Variants in ROBO1 observed in about 807,000 individuals in gnomAD.
ROBO1 encodes the protein roundabout homolog 1.
Under a neutral mutation model 195.9 loss-of-function variants are expected in ROBO1, and 149 were observed. The ratio of observed to expected loss-of-function variants is 0.76; its 90% CI spans 0.67 to 0.87. ROBO1 has a LOEUF of 0.87. ROBO1 is among the 40% of genes least tolerant of loss of function. The pLI, the probability that ROBO1 is intolerant of heterozygous loss-of-function variation, is 0.00. For missense variants in ROBO1, 1,933 were observed against 2,068.3 expected (o/e 0.93, Z 1.27); for synonymous variants, 816 against 733.2 (o/e 1.11, Z -1.82).
chr3:79,565,023 C>T (rs1943047006), intron 2 of ROBO1, among the ~76,000 whole-genome samples: 1 of 152,036 alleles, frequency 6.6e-6, no homozygotes, highest in Admixed American at 6.6e-5. Context: ...TTGCTAAAAA[C>T]AACTATCATG....
At chr3:78,863,822 C>G (rs927172363) in intron 4 of ROBO1, among the ~76,000 whole-genome samples, 2 of 152,136 alleles carry the variant, frequency 1.3e-5, no homozygotes, top group African/African-American at 4.8e-5. Flanking sequence ...ATGGGAGAGT[C>G]CCTCCACCGT....
chr3:79,445,731 G>A (rs1454954992), intron 2 of ROBO1, among the ~76,000 whole-genome samples: 1 of 148,950 alleles, frequency 6.7e-6, no homozygotes, highest in Non-Finnish European at 1.5e-5. Flanking sequence ...GCGCGATATC[G>A]GCTCACTGCA....
At chr3:78,700,236 T>G (rs1037318097) in intron 8 of ROBO1, among the ~76,000 whole-genome samples, 15 of 152,232 alleles carry the variant, frequency 9.9e-5, no homozygotes, top group African/African-American at 3.6e-4. Flanking sequence ...CTGCTGATAC[T>G]ATAGATATTT....
chr3:79,231,059 A>T (rs1421430493), intron 2 of ROBO1, among the ~76,000 whole-genome samples: 2 of 152,152 alleles, frequency 1.3e-5, no homozygotes, highest in African/African-American at 4.8e-5. Context: ...CACCCTACAC[A>T]AAAATCAACT....
chr3:79,148,153 G>A (rs1173404670), intron 2 of ROBO1, among the ~76,000 whole-genome samples: 1 of 151,576 alleles, frequency 6.6e-6, no homozygotes, highest in South Asian at 2.1e-4. Context: ...GAGTCATATG[G>A]GGCATTCCTA....
At chr3:78,840,076 G>A (rs1325993191) in intron 4 of ROBO1, among the ~76,000 whole-genome samples, 7 of 152,170 alleles carry the variant, frequency 4.6e-5, no homozygotes, top group Non-Finnish European at 1.0e-4. Context: ...ATGGACCTTA[G>A]GCAGCATGGC....
chr3:79,339,281 G>T (rs541331077), intron 2 of ROBO1, among the ~76,000 whole-genome samples: 3 of 152,198 alleles, frequency 2.0e-5, no homozygotes, highest in East Asian at 3.9e-4. Context: ...TTTGCTCAAA[G>T]TTTCATTGTA....
chr3:78,787,081 A>C (rs2083858358), intron 4 of ROBO1, among the ~76,000 whole-genome samples: 3 of 152,104 alleles, frequency 2.0e-5, no homozygotes, highest in Admixed American at 2.0e-4. Flanking sequence ...CCCCAACCCC[A>C]AGTTTTTGAT....
chr3:79,277,418 A>G (rs948950901), intron 2 of ROBO1, among the ~76,000 whole-genome samples: 3 of 152,078 alleles, frequency 2.0e-5, no homozygotes, highest in African/African-American at 7.2e-5. Flanking sequence ...GCTAAAAATT[A>G]AAACAATTTA....
intron 4 of ROBO1, among the ~76,000 whole-genome samples, chr3:78,922,955 T>G (rs72904237): frequency 0.011 from 1,695 of 152,230 alleles, 25 homozygotes; most frequent in African/African-American, 0.039. Flanking sequence ...CCATTAGAAA[T>G]ATCAGAAGTT....
chr3:78,854,355 T>C (rs909299838), intron 4 of ROBO1, among the ~76,000 whole-genome samples: 2 of 148,526 alleles, frequency 1.3e-5, no homozygotes, highest in Non-Finnish European at 3.0e-5. Flanking sequence ...TAATATGTTG[T>C]ATATAAAAAT....
At chr3:79,229,999 C>T (rs144420695) in intron 2 of ROBO1, among the ~76,000 whole-genome samples, 7 of 152,204 alleles carry the variant, frequency 4.6e-5, no homozygotes, top group Non-Finnish European at 8.8e-5. Context: ...TTCCAATCAG[C>T]GTTCTGTGAA....
intron 2 of ROBO1, among the ~76,000 whole-genome samples, chr3:79,539,495 A>G (rs9863788): frequency 0.57 from 86,831 of 151,880 alleles, 24,948 homozygotes; most frequent in Non-Finnish European, 0.6. Flanking sequence ...AATATGCCTC[A>G]ATATTATTTT....
chr3:78,597,418 T>TATC lies in ROBO1; in HGVS notation c.*1492_*1494dup, dbSNP rs942419512. 16 of 152,590 alleles carry TATC rather than the reference T, an allele frequency of 1.0e-4. No homozygotes were observed. The highest frequency in any genetic ancestry group is 1.8e-4 in the Non-Finnish European group (12 of 68,002). The allele number at this position is 152,590 out of a possible 1,614,324, so 9.5% of individuals were successfully genotyped here. On this transcript the variant is annotated 3_prime_UTR_variant, in exon 31 of 31. Transcript: ENST00000464233. Reference sequence around the variant, plus strand: ...CCTTTTCTATGGAACTTTTTCAAATTATCTAAATGAACAAGTTTGGTTTTG... The same window carrying TATC: ...CCTTTTCTATGGAACTTTTTCAAATTATCATCTAAATGAACAAGTTTGGTTTTG...
intron 2 of ROBO1, among the ~76,000 whole-genome samples, chr3:79,166,985 G>A (rs1214397866): frequency 6.6e-6 from 1 of 151,902 alleles, no homozygotes; most frequent in Non-Finnish European, 1.5e-5. Flanking sequence ...TATGCCTGAG[G>A]CGATGTGCAC....
At chr3:79,434,103 A>C (rs2038791149) in intron 2 of ROBO1, among the ~76,000 whole-genome samples, 2 of 152,150 alleles carry the variant, frequency 1.3e-5, no homozygotes, top group Admixed American at 6.6e-5. Flanking sequence ...GACCTAAAAC[A>C]ATAAAAACCC....
chr3:79,282,009 T>G (rs575078474), intron 2 of ROBO1, among the ~76,000 whole-genome samples: 1 of 152,182 alleles, frequency 6.6e-6, no homozygotes, highest in East Asian at 1.9e-4. Context: ...CCTAAATTAG[T>G]GCTGGAAATA....
At position 79,125,469 on chromosome 3, in the gene ROBO1, C is replaced by T. The variant is rs139237706; in HGVS notation, c.159G>A (p.Ser53=). ...GAGACACTCTACCTGTATAGCCCAG[C>T]GAATTGTCATCGTTATCAGAGGTGG... The part of the protein sequence containing the change: ...PIPTSDNDDN[S]LGYTGSRLRQ... The change falls in exon 3 of 31, where the codon TCG becomes TCA. Residue 53 remains serine, a synonymous_variant. Transcript: ENST00000464233. The T allele has an allele frequency of 3.6e-4, 577 of 1,613,392 alleles. 5 individuals are homozygous for T. In the African/African-American group the frequency reaches 4.2e-3, roughly 12 times the overall value.
chr3:79,133,376 C>T (rs1180031506), intron 2 of ROBO1, among the ~76,000 whole-genome samples: 14 of 120,232 alleles, frequency 1.2e-4, no homozygotes, highest in South Asian at 6.4e-4. Flanking sequence ...GGAGGCTTTG[C>T]TCATTTCTTT....
Sources: allele counts gnomAD v4.1 joint callset (sites outside exome capture counted in the v4.1 genomes callset), GRCh38; gene constraint gnomAD v4.1.1; transcripts MANE v1.5; gene names NCBI Gene and HGNC (gene_info 2026-07-23, HGNC 2026-07-21).